The following FIBCD1 variants were observed in gnomAD, a reference collection of about 807,000 sequenced individuals.
FIBCD1 encodes fibrinogen C domain-containing protein 1.
FIBCD1 carries 47 observed loss-of-function variants against 45.1 expected under a neutral mutation model. That is an observed-to-expected ratio of 1.04 (90% confidence interval 0.82 to 1.33). The LOEUF (loss-of-function observed/expected upper bound fraction) is 1.33. Among genes scored for constraint, FIBCD1 ranks in the 40% most tolerant of loss-of-function variants. The pLI is 0.00. For missense variants in FIBCD1, 653 were observed against 682.2 expected (o/e 0.96, Z 0.48); for synonymous variants, 313 against 308.1 (o/e 1.02, Z -0.17).
intron 5 of FIBCD1, among the ~76,000 whole-genome samples, chr9:130,911,326 GTGA>G (rs1832039521): frequency 2.7e-5 from 1 of 37,492 alleles, no homozygotes; most frequent in African/African-American, 4.7e-4. Context: ...CTTGAAATCA[GTGA>G]GACCAAGAAC....
chr9:130,936,993 GTT>G (rs1185854313), intron 1 of FIBCD1, among the ~76,000 whole-genome samples: 11 of 136,134 alleles, frequency 8.1e-5, no homozygotes, highest in Non-Finnish European at 1.3e-4. Context: ...GTGTGTGTGT[GTT>G]TGTGTAAGGC....
At chr9:130,911,941 C>G in intron 4 of FIBCD1, 53 bp from the exon 5 acceptor site, 3 of 1,501,724 alleles carry the variant, frequency 2.0e-6, no homozygotes, top group Middle Eastern at 2.2e-4. Flanking sequence ...CCAGGACTCG[C>G]AGCCCACCTG....
chr9:130,910,180 A>C (rs1005660044), intron 5 of FIBCD1, among the ~76,000 whole-genome samples: 6 of 152,216 alleles, frequency 3.9e-5, no homozygotes, highest in South Asian at 2.1e-4. Flanking sequence ...CTGGAGTTCC[A>C]GGTGGGCATG....
At chr9:130,923,218 G>C (rs1832291868) in intron 4 of FIBCD1, among the ~76,000 whole-genome samples, 1 of 152,216 alleles carries the variant, frequency 6.6e-6, no homozygotes, top group African/African-American at 2.4e-5. Flanking sequence ...GGCAGTTGGG[G>C]CATCTCGCTC....
intron 5 of FIBCD1, among the ~76,000 whole-genome samples, chr9:130,911,332 C>A (rs1178331792): frequency 2.0e-5 from 3 of 151,968 alleles, no homozygotes; most frequent in African/African-American, 7.3e-5. Flanking sequence ...ATCAGTGAGA[C>A]CAAGAACCCA....
chr9:130,908,255 G>A lies in FIBCD1; in HGVS notation c.947-2842C>T, dbSNP rs559745437. Among the ~76,000 whole-genome samples the A allele has an allele frequency of 2.6e-5, 4 of 152,336 alleles. No homozygotes were observed. In the South Asian group the frequency reaches 8.3e-4, roughly 32 times the overall value. On this transcript the variant is annotated intron_variant, in intron 5 of 6. Transcript: ENST00000372338. ...TGGGGAGGGTGGTGCGGCAGAGGAG[G>A]GACTGGCGCTGTTGACATTCCTGTC... is the stretch of plus-strand genomic sequence containing the variant.
rs1423153063 is a variant in FIBCD1 at position 130,905,248 on chromosome 9, TAGTC to T, written c.1108_1111del (p.Asp370IlefsTer10). On this transcript the variant is annotated frameshift_variant, in exon 6 of 7. Transcript: ENST00000372338. LOFTEE classifies it high-confidence loss of function. ...TGGAGCCTCACCTGCAGTGCCGGAA[TAGTC>T]AGCCACGGTGAGCGGGTACCCGTCT... 1.2e-6 allele frequency: 2 copies of T among 1,613,520 alleles called. No individual in the cohort carries two copies. The highest frequency in any genetic ancestry group is 1.7e-6 in the Non-Finnish European group (2 of 1,179,806).
In FIBCD1 at chr9:130,902,799, G is replaced by C. The variant is rs1288276381; in HGVS notation, c.*1265C>G. The C allele has an allele frequency of 6.6e-6, 1 of 152,338 alleles. No individual in the cohort carries two copies. Among genetic ancestry groups the C allele is most frequent in the Admixed American group, 6.5e-5 (1 of 15,292 alleles). The allele number at this position is 152,338 out of a possible 1,614,324, so 9.4% of individuals were successfully genotyped here. The stretch of plus-strand genomic sequence containing the variant: ...CAGCTGAGGACCCGGCTCCAGCCCT[G>C]CCCTTGTGGCTGCTGGTCCTGGGAG... On this transcript the variant is annotated 3_prime_UTR_variant, in exon 7 of 7. Transcript: ENST00000372338.
rs554461134 is a variant in FIBCD1, at chr9:130,934,611, G to T, written c.72+3925C>A. Among the ~76,000 whole-genome samples, 36 of 152,300 alleles carry T rather than the reference G, an allele frequency of 2.4e-4. 1 individual carries two copies. The East Asian group carries it at 6.8e-3, about 29-fold the overall frequency. On this transcript the variant is annotated intron_variant, in intron 1 of 6. Transcript: ENST00000372338. Reference sequence around the variant, plus strand: ...GCTTCTCCAGATGTTTCCTATAAGGGTCTTGCCCACCCTCCCCGCGACATA... The same window carrying T: ...GCTTCTCCAGATGTTTCCTATAAGGTTCTTGCCCACCCTCCCCGCGACATA...
rs755971992 is a variant in FIBCD1 at position 130,923,830 on chromosome 9, C to T, written c.763G>A (p.Asp255Asn). 14 of 1,612,810 alleles carry T rather than the reference C, an allele frequency of 8.7e-6. No homozygotes were observed. Among genetic ancestry groups the T allele is most frequent in the South Asian group, 4.4e-5 (4 of 91,074 alleles). Residue 255 changes from aspartate to asparagine, a missense_variant, in exon 4 of 7, where the codon GAT (aspartate) becomes AAT (asparagine). Coordinates refer to ENST00000372338, the MANE Select transcript of FIBCD1 (RefSeq NM_032843.5). ...GTGGGAAAGACAGAGTAGACGCCATCGTCCTGCTGTCCGCTTAGGAGGACG... is the reference window on the plus strand; with the variant it reads ...GTGGGAAAGACAGAGTAGACGCCATTGTCCTGCTGTCCGCTTAGGAGGACG... Reference protein sequence around the residue: ...LDVLLSGQQDDGVYSVFPTHY... With the variant: ...LDVLLSGQQDNGVYSVFPTHY...
At chr9:130,938,039 A>T (rs1034008244) in intron 1 of FIBCD1, 7 of 152,760 alleles carry the variant, frequency 4.6e-5, no homozygotes, top group African/African-American at 1.7e-4. Context: ...ATCTTTATTG[A>T]TCCCCTACTG....
In FIBCD1 at chr9:130,904,125, C is replaced by A. The variant is rs1831882409; in HGVS notation, c.1325G>T (p.Gly442Val). The A allele has an allele frequency of 1.2e-6, 2 of 1,613,216 alleles. No homozygotes were observed. Residue 442 changes from glycine to valine, a missense_variant, in exon 7 of 7, where the codon GGC (glycine) becomes GTC (valine). Coordinates refer to ENST00000372338, the MANE Select transcript of FIBCD1 (RefSeq NM_032843.5). ...ADGVEWSSWT[G>V]WQYSLKFSEM... ...AGAGAACTTGAGTGAGTACTGCCAG[C>A]CGGTCCAGGAGGACCACTCCACGCC... is the stretch of plus-strand genomic sequence containing the variant.
intron 1 of FIBCD1, among the ~76,000 whole-genome samples, chr9:130,931,288 T>A (rs914754072): frequency 5.9e-5 from 9 of 152,224 alleles, no homozygotes; most frequent in Non-Finnish European, 8.8e-5. Flanking sequence ...GGCGGGCAGA[T>A]CACAAGGTCA....
intron 4 of FIBCD1, among the ~76,000 whole-genome samples, chr9:130,919,320 G>A (rs1344296950): frequency 6.6e-6 from 1 of 152,228 alleles, no homozygotes; most frequent in Admixed American, 6.5e-5. Context: ...CCCAGGCAGG[G>A]TGTGGGCCAG....
intron 1 of FIBCD1, among the ~76,000 whole-genome samples, chr9:130,934,609 G>A (rs1832491598): frequency 6.6e-6 from 1 of 152,180 alleles, no homozygotes; most frequent in Admixed American, 6.5e-5. Context: ...TTTCCTATAA[G>A]GGTCTTGCCC....
intron 6 of FIBCD1, among the ~76,000 whole-genome samples, chr9:130,904,822 G>A (rs1276877432): frequency 6.6e-6 from 1 of 152,208 alleles, no homozygotes; most frequent in Non-Finnish European, 1.5e-5. Flanking sequence ...GGAGGAGGAG[G>A]CAAGCAGCCT....
rs1832282109 is a variant in FIBCD1 at position 130,922,676 on chromosome 9, T to A, written c.849+1068A>T. Reference sequence around the variant, plus strand: ...AGGATGCACACCGCCAAGTCACCTCTCCTGAAGCACAGTCCCCATCCCGTC... The same window carrying A: ...AGGATGCACACCGCCAAGTCACCTCACCTGAAGCACAGTCCCCATCCCGTC... On this transcript the variant is annotated intron_variant, in intron 4 of 6. Transcript: ENST00000372338. The surrounding 1 kb of genome is among the most constrained non-coding windows in gnomAD (Gnocchi z 4.5). Among the ~76,000 whole-genome samples, 1 of 151,950 alleles carries A rather than the reference T, an allele frequency of 6.6e-6. No individual in the cohort carries two copies. The highest frequency in any genetic ancestry group is 6.6e-5 in the Admixed American group (1 of 15,248).
chr9:130,909,674 TTC>T (rs1323749856), intron 5 of FIBCD1, among the ~76,000 whole-genome samples: 1 of 152,190 alleles, frequency 6.6e-6, no homozygotes, highest in Non-Finnish European at 1.5e-5. Flanking sequence ...AAAGTTGTGA[TTC>T]TTTTAGGATG....
At chr9:130,919,248 T>C (rs1832217472) in intron 4 of FIBCD1, among the ~76,000 whole-genome samples, 1 of 152,074 alleles carries the variant, frequency 6.6e-6, no homozygotes, top group African/African-American at 2.4e-5. Flanking sequence ...AATGTGAGGG[T>C]GTTGTCCCCG....
Sources: allele counts gnomAD v4.1 joint callset (sites outside exome capture counted in the v4.1 genomes callset), GRCh38; gene constraint gnomAD v4.1.1; non-coding constraint Gnocchi (gnomAD v3.1); transcripts MANE v1.5; gene names NCBI Gene and HGNC (gene_info 2026-07-23, HGNC 2026-07-21).